TTLL2: variants seen among roughly 807,000 people sequenced by gnomAD.
TTLL2 encodes the protein probable tubulin polyglutamylase TTLL2.
TTLL2 carries 10 observed loss-of-function variants against 7.5 expected under a neutral mutation model. The ratio of observed to expected loss-of-function variants is 1.33; its 90% CI spans 0.82 to 2.25. The LOEUF (loss-of-function observed/expected upper bound fraction) is 2.25, where lower values mean the gene tolerates loss of function less well. Ranked by LOEUF, TTLL2 falls within the 30% of genes most tolerant of loss-of-function variation. The probability of loss-of-function intolerance (pLI) is 0.00; values close to 1 mark genes in which losing one functional copy is unlikely to be tolerated. For missense variants in TTLL2, 733 were observed against 735.7 expected, an observed-to-expected ratio of 1.00 and a Z score of 0.04; for synonymous variants, 284 against 280.3, an observed-to-expected ratio of 1.01 and a Z score of -0.13.
chr6:167,341,920 T>G lies in TTLL2; in HGVS notation c.*241T>G. ...TTGCTCAGGTGTCTTGAAAGAATTC[T>G]ACAAATACCACACAGCCTCCCACCA... On this transcript the variant is annotated 3_prime_UTR_variant, in exon 3 of 3. Coordinates refer to ENST00000239587, the MANE Select transcript of TTLL2 (RefSeq NM_031949.5). The G allele has an allele frequency of 2.0e-6, 1 of 493,672 alleles. No individual in the cohort carries two copies. 30.6% of individuals were successfully genotyped at this position (493,672 alleles called of 1,614,324 possible). A position where few individuals can be genotyped will look rare whatever the true frequency, so the allele number is the denominator to read the frequency against.
intron 1 of TTLL2, among the ~76,000 whole-genome samples, chr6:167,329,053 T>C (rs545975161): frequency 2.0e-5 from 3 of 152,196 alleles, no homozygotes; most frequent in South Asian, 2.1e-4. Context: ...CCAGGTGTCA[T>C]TGACAAAAGA....
chr6:167,340,024 G>T, intron 2 of TTLL2, 81 bp from the exon 3 acceptor site: 1 of 1,474,694 alleles, frequency 6.8e-7, no homozygotes, highest in South Asian at 1.4e-5. Context: ...TGGCAGCACC[G>T]GGTGCACGGT....
In TTLL2 at chr6:167,341,004, G is replaced by T. The variant is rs1229384704; in HGVS notation, c.1104G>T (p.Glu368Asp). ...TCCCCTTTGCTGCCAATTGCTTTGA[G>T]CTCTTTGGGTTTGATATTTTGATTG... ...PSVPFAANCF[E>D]LFGFDILIDD... The change falls in exon 3 of 3, where the codon GAG (glutamate) becomes GAT (aspartate). Residue 368 changes from glutamate (E) to aspartate (D), a missense_variant. Glu to Asp is a conservative substitution (Grantham distance 45). Transcript: ENST00000239587. The T allele has an allele frequency of 1.2e-6, 2 of 1,613,928 alleles. No individual in the cohort carries two copies. Among genetic ancestry groups the T allele is most frequent in the Non-Finnish European group, 1.7e-6 (2 of 1,180,036 alleles).
chr6:167,335,850 T>G, intron 1 of TTLL2, among the ~76,000 whole-genome samples: 1 of 141,430 alleles, frequency 7.1e-6, no homozygotes. Context: ...AGGGATAGCA[T>G]TGGGAGATAT....
chr6:167,340,248 G>T lies in TTLL2; in HGVS notation c.348G>T (p.Gln116His), dbSNP rs1779058621. ...RGWNKFDKQE[Q>H]NAEDWNLYWR... ...GGAATAAGTTTGATAAGCAGGAGCA[G>T]AACGCGGAGGACTGGAACCTGTACT... The change falls in exon 3 of 3, where the codon CAG (glutamine) becomes CAT (histidine). Residue 116 changes from glutamine to histidine, a missense_variant. By Grantham distance (24) the Gln-to-His change is conservative (BLOSUM62 0). Coordinates refer to ENST00000239587, the MANE Select transcript of TTLL2 (RefSeq NM_031949.5). 2 of 1,614,016 alleles carry T rather than the reference G, an allele frequency of 1.2e-6. No homozygotes were observed. Among genetic ancestry groups the T allele is most frequent in the Non-Finnish European group, 1.7e-6 (2 of 1,180,028 alleles).
At chr6:167,336,513 C>T (rs1295873403) in intron 1 of TTLL2, among the ~76,000 whole-genome samples, 2 of 152,138 alleles carry the variant, frequency 1.3e-5, no homozygotes, top group Non-Finnish European at 2.9e-5. Context: ...TGCCATGGGT[C>T]GTGGGTGGCA....
intron 2 of TTLL2, among the ~76,000 whole-genome samples, 157 bp downstream of exon 2, chr6:167,338,960 C>A (rs1365547550): frequency 6.8e-6 from 1 of 147,764 alleles, no homozygotes; most frequent in Non-Finnish European, 1.5e-5. Flanking sequence ...CCTGCTCTCC[C>A]TCTTTCTTTC....
In TTLL2 at chr6:167,338,824, GTTCCTTCCTTCCTTCC is replaced by G. The variant is rs370141340; in HGVS notation, c.204+49_204+64del. The G allele has an allele frequency of 3.3e-4, 345 of 1,061,320 alleles. 3 individuals are homozygous for G. In the South Asian group the frequency reaches 5.9e-3, roughly 18 times the overall value. The allele number at this position is 1,061,320 out of a possible 1,614,324, so 65.7% of individuals were successfully genotyped here. On this transcript the variant is annotated intron_variant, in intron 2 of 2. Transcript: ENST00000239587. The stretch of plus-strand genomic sequence containing the variant: ...AGAAGGTGGGTGGGCAAGCCAGGTA[GTTCCTTCCTTCCTTCC>G]TTCCTTCCTTCCTTCCTTCCTTCCT...
chr6:167,336,394 A>G (rs1242346897), intron 1 of TTLL2, among the ~76,000 whole-genome samples: 2 of 152,134 alleles, frequency 1.3e-5, no homozygotes, highest in Non-Finnish European at 2.9e-5. Context: ...ATATTTATTT[A>G]GCATATTACA....
intron 1 of TTLL2, chr6:167,327,975 G>A (rs1414266741): frequency 6.6e-6 from 3 of 455,992 alleles, no homozygotes. Context: ...CCCTCTCCTT[G>A]ACCCCAAAAT....
In TTLL2 at chr6:167,340,269, G is replaced by T. The variant is rs1364577731; in HGVS notation, c.369G>T (p.Leu123=). The T allele has an allele frequency of 2.5e-6, 4 of 1,614,094 alleles. No homozygotes were observed. Among genetic ancestry groups the T allele is most frequent in the Non-Finnish European group, 3.4e-6 (4 of 1,180,004 alleles). The change falls in exon 3 of 3, where the codon CTG becomes CTT. Residue 123 remains leucine (L), a synonymous_variant. Transcript: ENST00000239587. ...AGCAGAACGCGGAGGACTGGAACCT[G>T]TACTGGAGGACATCCTCTTTCCGAA... ...KQEQNAEDWN[L]YWRTSSFRMT... is the part of the protein sequence containing the mutation.
rs1390508314 is a variant in TTLL2, at chr6:167,329,900, A to C, written c.47+4680A>C. Reference sequence around the variant, plus strand: ...TTATAGGCTAGAAGTCCAAATATTCAAAAGCACATTTTGTATTATATAAAT... The same window carrying C: ...TTATAGGCTAGAAGTCCAAATATTCCAAAGCACATTTTGTATTATATAAAT... On this transcript the variant is annotated intron_variant, in intron 1 of 2. Transcript: ENST00000239587. Among the ~76,000 whole-genome samples, 7 of 152,220 alleles carry C rather than the reference A, an allele frequency of 4.6e-5. No individual in the cohort carries two copies. The East Asian group carries it at 1.2e-3, about 25-fold the overall frequency.
chr6:167,331,492 T>C (rs1396699999), intron 1 of TTLL2, among the ~76,000 whole-genome samples: 1 of 152,188 alleles, frequency 6.6e-6, no homozygotes, highest in Non-Finnish European at 1.5e-5. Flanking sequence ...CTTTCACCTA[T>C]GAGTAAGAAC....
In TTLL2 at chr6:167,340,765, A is replaced by G. The variant is rs375732093; in HGVS notation, c.865A>G (p.Asn289Asp). ...RFATEKFDLS[N>D]LQNNYAHLTN... ...TGCCACGGAAAAGTTTGACCTCAGT[A>G]ATTTGCAAAACAATTATGCCCATTT... The change falls in exon 3 of 3, where the codon AAT becomes GAT. Residue 289 changes from asparagine (N) to aspartate (D), a missense_variant. By Grantham distance (23) the Asn-to-Asp change is conservative (BLOSUM62 1). Transcript: ENST00000239587. The G allele has an allele frequency of 1.3e-5, 21 of 1,614,076 alleles. No individual in the cohort carries two copies. Among genetic ancestry groups the G allele is most frequent in the Non-Finnish European group, 1.7e-5 (20 of 1,180,052 alleles).
Position 167,340,656 on chromosome 6 carries a change from T to C in TTLL2, c.756T>C (p.Tyr252=). 1 of 1,614,196 alleles carries C rather than the reference T, an allele frequency of 6.2e-7. No individual in the cohort carries two copies. Among genetic ancestry groups the C allele is most frequent in the Non-Finnish European group, 8.5e-7 (1 of 1,180,014 alleles). The change falls in exon 3 of 3, where the codon TAT becomes TAC. Residue 252 remains tyrosine (Y), a synonymous_variant. Coordinates refer to ENST00000239587, the MANE Select transcript of TTLL2 (RefSeq NM_031949.5). ...CCAATCCTTTACTTATTGGCAGATA[T>C]AAATGTGATCTCCGCATCTATGTTT... ...YISNPLLIGR[Y]KCDLRIYVCV... is the part of the protein sequence containing the mutation.
At chr6:167,334,579 G>A (rs967839165) in intron 1 of TTLL2, among the ~76,000 whole-genome samples, 1 of 149,914 alleles carries the variant, frequency 6.7e-6, no homozygotes, top group Non-Finnish European at 1.5e-5. Flanking sequence ...ATACTACAAG[G>A]CTACAGTAAC....
At chr6:167,329,070 T>C (rs916786893) in intron 1 of TTLL2, among the ~76,000 whole-genome samples, 11 of 152,032 alleles carry the variant, frequency 7.2e-5, no homozygotes, top group African/African-American at 2.7e-4. Context: ...AAGAGCACTT[T>C]CAGTGTCCGC....
At chr6:167,337,287 G>A (rs1046045743) in intron 1 of TTLL2, among the ~76,000 whole-genome samples, 1 of 152,224 alleles carries the variant, frequency 6.6e-6, no homozygotes, top group Admixed American at 6.5e-5. Context: ...TCCCCAACCC[G>A]GCATGGCTTG....
rs6922892 is a variant in TTLL2 at position 167,329,869 on chromosome 6, G to A, written c.47+4649G>A. On this transcript the variant is annotated intron_variant, in intron 1 of 2. Coordinates refer to ENST00000239587, the MANE Select transcript of TTLL2 (RefSeq NM_031949.5). Reference sequence around the variant, plus strand: ...TCACCAGTTCCCCACCAGCACATCTGATGTATTATAGGCTAGAAGTCCAAA... The same window carrying A: ...TCACCAGTTCCCCACCAGCACATCTAATGTATTATAGGCTAGAAGTCCAAA... 6.7e-3 allele frequency among the ~76,000 whole-genome samples: 1,027 copies of A among 152,220 alleles called. 15 individuals carry two copies. Among genetic ancestry groups the A allele is most frequent in the African/African-American group, 0.023 (967 of 41,504 alleles).
Sources: gnomAD v4.1 joint callset for allele counts (sites outside exome capture counted in the v4.1 genomes callset) on GRCh38, gnomAD v4.1.1 for gene constraint, MANE v1.5 for transcripts, NCBI Gene and HGNC (gene_info 2026-07-23, HGNC 2026-07-21) for gene names.